Variants in IFT56 observed in about 807,000 individuals in gnomAD.
The protein encoded by IFT56 is intraflagellar transport protein 56.
the IFT56 span, chr7:139,189,243 G>A: frequency 9.3e-7 from 1 of 1,078,908 alleles, no homozygotes; most frequent in African/African-American, 1.6e-5. Flanking sequence ...ACAGTATGAA[G>A]GACAGTTCAG....
the IFT56 span, among the ~76,000 whole-genome samples, chr7:139,158,587 TG>T: frequency 6.6e-6 from 1 of 152,148 alleles, no homozygotes; most frequent in South Asian, 2.1e-4. Context: ...CCTTTATTCT[TG>T]TGGCAAATTA....
the IFT56 span, among the ~76,000 whole-genome samples, chr7:139,145,847 T>G: frequency 1.3e-5 from 2 of 152,214 alleles, no homozygotes; most frequent in Non-Finnish European, 2.9e-5. Flanking sequence ...TATATTTTAT[T>G]GTGTTTTTCT....
the IFT56 span, chr7:139,134,798 G>T: frequency 6.2e-7 from 1 of 1,611,950 alleles, no homozygotes; most frequent in Admixed American, 1.7e-5. Context: ...TGGAGGTAAT[G>T]CCCAAAGAAC....
the IFT56 span, chr7:139,142,370 TACTA>T: frequency 2.2e-6 from 3 of 1,339,890 alleles, no homozygotes; most frequent in Non-Finnish European, 1.1e-6. Context: ...TCCTTCTTGT[TACTA>T]ACACTAGTGA....
At chr7:139,168,592 A>G in the IFT56 span, 1 of 580,002 alleles carries the variant, frequency 1.7e-6, no homozygotes, top group Admixed American at 2.7e-5. Flanking sequence ...CAAAAAAAAA[A>G]CTTGTAACCC....
At chr7:139,190,879 A>C in the IFT56 span, 1 of 152,266 alleles carries the variant, frequency 6.6e-6, no homozygotes, top group Non-Finnish European at 1.5e-5. Context: ...CCTACCTAGA[A>C]GAGAATAGAT....
the IFT56 span, among the ~76,000 whole-genome samples, chr7:139,137,610 T>C: frequency 6.6e-6 from 1 of 152,362 alleles, no homozygotes; most frequent in Admixed American, 6.5e-5. Context: ...TCAAATACTT[T>C]CTGGAGTATA....
chr7:139,185,114 T>C, the IFT56 span, among the ~76,000 whole-genome samples: 56 of 150,880 alleles, frequency 3.7e-4, 2 homozygotes, highest in East Asian at 0.01. Context: ...GGCAGGAGAA[T>C]CACTTGAGCC....
At chr7:139,165,108 A>G in the IFT56 span, 5 of 1,580,916 alleles carry the variant, frequency 3.2e-6, no homozygotes, top group Non-Finnish European at 4.3e-6. Context: ...TGTTGCCATA[A>G]TAGCATGATT....
the IFT56 span, chr7:139,161,078 C>A: frequency 6.9e-7 from 1 of 1,454,550 alleles, no homozygotes; most frequent in Non-Finnish European, 9.5e-7. Flanking sequence ...TTTGGTACAT[C>A]ACAGCAATTA....
chr7:139,180,644 G>A, the IFT56 span, among the ~76,000 whole-genome samples: 1 of 151,558 alleles, frequency 6.6e-6, no homozygotes, highest in Non-Finnish European at 1.5e-5. Flanking sequence ...GGGAGGCAGA[G>A]GTTGCAGTGA....
the IFT56 span, chr7:139,178,206 C>T: frequency 9.7e-5 from 156 of 1,604,944 alleles, no homozygotes; most frequent in East Asian, 2.3e-3. Flanking sequence ...TTTTCCCCTC[C>T]GTTTCAGATA....
chr7:139,172,716 G>C, the IFT56 span: 1 of 625,348 alleles, frequency 1.6e-6, no homozygotes, highest in Non-Finnish European at 3.1e-6. Context: ...CGCAGCAAAT[G>C]TTATACCCCA....
the IFT56 span, chr7:139,190,950 A>G: frequency 2.0e-5 from 3 of 152,280 alleles, no homozygotes; most frequent in Non-Finnish European, 2.9e-5. Flanking sequence ...CCCCGTAGGC[A>G]CTGTATTAGT....
At chr7:139,171,886 A>G in the IFT56 span, among the ~76,000 whole-genome samples, 3 of 152,220 alleles carry the variant, frequency 2.0e-5, no homozygotes, top group Non-Finnish European at 2.9e-5. Flanking sequence ...TAGCCATAAC[A>G]TTACACAGCA....
chr7:139,161,139 G>GAACC, the IFT56 span: 1 of 848,912 alleles, frequency 1.2e-6, no homozygotes, highest in South Asian at 1.7e-5. Flanking sequence ...TACTCCAAGG[G>GAACC]AACCCCTCCT....
At chr7:139,136,622 C>A in the IFT56 span, among the ~76,000 whole-genome samples, 1 of 151,766 alleles carries the variant, frequency 6.6e-6, no homozygotes, top group Non-Finnish European at 1.5e-5. Flanking sequence ...GGCTAATTTT[C>A]GTTTGATTGG....
chr7:139,135,289 A>AC, the IFT56 span, among the ~76,000 whole-genome samples: 44 of 148,034 alleles, frequency 3.0e-4, no homozygotes, highest in Non-Finnish European at 4.4e-5. Flanking sequence ...AAAAAAAAAA[A>AC]AAAAAAAAAC....
the IFT56 span, among the ~76,000 whole-genome samples, chr7:139,186,470 C>T: frequency 6.6e-6 from 1 of 150,858 alleles, no homozygotes; most frequent in Admixed American, 6.6e-5. Flanking sequence ...TAAAAGAAAA[C>T]TAATCTAAGC....
Sources: allele counts gnomAD v4.1 joint callset (sites outside exome capture counted in the v4.1 genomes callset), GRCh38; gene constraint gnomAD v4.1.1; transcripts MANE v1.5; gene names NCBI Gene and HGNC (gene_info 2026-07-23, HGNC 2026-07-21).